Variants in TBC1D8 observed in about 807,000 individuals in gnomAD.
The protein encoded by TBC1D8 is BUB2-like protein 1.
TBC1D8 carries 65 observed loss-of-function variants against 118.8 expected under a neutral mutation model. The observed-to-expected ratio is 0.55, with a 90% CI of 0.45 to 0.67. The LOEUF is 0.67. TBC1D8 is among the 30% of genes least tolerant of loss of function. TBC1D8 has a pLI of 0.00. For missense variants in TBC1D8, 1,376 were observed against 1,471.2 expected (o/e 0.94, Z 1.06); for synonymous variants, 566 against 595.8 (o/e 0.95, Z 0.73).
intron 17 of TBC1D8, among the ~76,000 whole-genome samples, chr2:101,013,664 G>T (rs1679402660): frequency 6.6e-6 from 1 of 152,144 alleles, no homozygotes; most frequent in African/African-American, 2.4e-5. Context: ...ACTGTACATG[G>T]TTTCTATTTT....
At chr2:101,143,050 T>A (rs375706906) in intron 1 of TBC1D8, among the ~76,000 whole-genome samples, 112 of 139,274 alleles carry the variant, frequency 8.0e-4, no homozygotes, top group African/African-American at 2.9e-3. Flanking sequence ...ATTGTTGATT[T>A]TTCTTTCCTT....
chr2:101,040,067 G>T, intron 6 of TBC1D8, 111 bp downstream of exon 6: 1 of 1,266,704 alleles, frequency 7.9e-7, no homozygotes, highest in Non-Finnish European at 1.1e-6. Context: ...TCTTTAGATG[G>T]CAAAACTGTG....
chr2:101,095,536 AATG>A, intron 1 of TBC1D8, among the ~76,000 whole-genome samples: 1 of 151,762 alleles, frequency 6.6e-6, no homozygotes, highest in Admixed American at 6.6e-5. Flanking sequence ...GTTTGCTGAG[AATG>A]ATGGTTTCCA....
chr2:101,103,881 TAGAG>T (rs776738160), intron 1 of TBC1D8, among the ~76,000 whole-genome samples: 1 of 151,764 alleles, frequency 6.6e-6, no homozygotes, highest in Non-Finnish European at 1.5e-5. Context: ...GATATATATA[TAGAG>T]AGAGAGAGAA....
At chr2:101,029,896 C>T (rs966796015) in intron 11 of TBC1D8, 120 bp from the exon 12 acceptor site, 7 of 1,065,228 alleles carry the variant, frequency 6.6e-6, no homozygotes, top group Non-Finnish European at 9.4e-6. Context: ...TCCAGAAAAG[C>T]GTCCATGCTT....
At chr2:101,014,112 CTTGACGA>C (rs1679436624) in intron 17 of TBC1D8, among the ~76,000 whole-genome samples, 1 of 152,032 alleles carries the variant, frequency 6.6e-6, no homozygotes, top group African/African-American at 2.4e-5. Flanking sequence ...GTGGTGGCTT[CTTGACGA>C]TTTGGATACC....
chr2:101,147,060 C>T (rs931963588), intron 1 of TBC1D8, among the ~76,000 whole-genome samples: 2 of 137,356 alleles, frequency 1.5e-5, no homozygotes, highest in African/African-American at 5.8e-5. Flanking sequence ...CACCTGTAAT[C>T]CCAGTGCTTT....
Position 101,143,165 on chromosome 2 carries a change from C to T in TBC1D8, c.127+7962G>A, listed in dbSNP as rs147974049. On this transcript the variant is annotated intron_variant, in intron 1 of 19. Coordinates refer to ENST00000409318, the MANE Select transcript of TBC1D8 (RefSeq NM_001330348.2). Reference sequence around the variant, plus strand: ...GCAACCTCCGCCTCCCGGGTTCAAACGGTTCCCCTGCCTCAGCCTCCCAAG... The same window carrying T: ...GCAACCTCCGCCTCCCGGGTTCAAATGGTTCCCCTGCCTCAGCCTCCCAAG... 1.5e-3 allele frequency among the ~76,000 whole-genome samples: 219 copies of T among 150,734 alleles called. 1 individual carries two copies. Among genetic ancestry groups the T allele is most frequent in the African/African-American group, 4.1e-3 (169 of 40,970 alleles).
chr2:101,099,601 A>G (rs115975243), intron 1 of TBC1D8, among the ~76,000 whole-genome samples: 22,924 of 152,252 alleles, frequency 0.15, 1,887 homozygotes, highest in Middle Eastern at 0.25. Context: ...GCATCGATGT[A>G]AAAATCCTCA....
intron 11 of TBC1D8, chr2:101,030,008 A>T (rs1680577156): frequency 4.4e-6 from 2 of 458,896 alleles, no homozygotes; most frequent in Non-Finnish European, 7.7e-6. Context: ...GCATGGGGGA[A>T]ATAAAAAAGG....
rs991592350 is a variant in TBC1D8 at position 101,023,689 on chromosome 2, G to A, written c.2521-1168C>T. The A allele has an allele frequency of 3.7e-5, 15 of 407,670 alleles. 1 individual carries two copies. Among genetic ancestry groups the A allele is most frequent in the South Asian group, 1.5e-4 (8 of 53,828 alleles). The allele number at this position is 407,670 out of a possible 1,614,324, so 25.3% of individuals were successfully genotyped here. On this transcript the variant is annotated intron_variant, in intron 15 of 19. Transcript: ENST00000409318. Reference sequence around the variant, plus strand: ...GAAAACTAACAAAACCGGCCCCATCGCTGAGGACCAGGTGAGCCTCTTCAG... The same window carrying A: ...GAAAACTAACAAAACCGGCCCCATCACTGAGGACCAGGTGAGCCTCTTCAG...
At chr2:101,078,244 C>T (rs140882164) in intron 2 of TBC1D8, among the ~76,000 whole-genome samples, 1 of 152,186 alleles carries the variant, frequency 6.6e-6, no homozygotes, top group African/African-American at 2.4e-5. Context: ...CAATTCCCAT[C>T]TTGAGAAATC....
intron 12 of TBC1D8, 43 bp downstream of exon 12, chr2:101,029,448 C>T: frequency 6.3e-7 from 1 of 1,589,556 alleles, no homozygotes; most frequent in South Asian, 1.1e-5. Context: ...GTGCTGCTGC[C>T]TCCTCCATCT....
rs555423938 is a variant in TBC1D8, at chr2:101,007,979, A to C, written c.3310T>G (p.Leu1104Val). ...RDWTVSLEHILASLLTEQSLV... is the reference protein window; with the variant it reads ...RDWTVSLEHIVASLLTEQSLV... The stretch of plus-strand genomic sequence containing the variant: ...GACTGTTCAGTCAGAAGTGAAGCTA[A>C]AATATGTTCAAGGGAGACAGTCCAG... Residue 1104 changes from leucine (L) to valine (V), a missense_variant, in exon 20 of 20, where the codon TTA (leucine) becomes GTA (valine). By Grantham distance (32) the Leu-to-Val change is conservative (BLOSUM62 1). Transcript: ENST00000409318. 3.7e-6 allele frequency: 6 copies of C among 1,614,058 alleles called. No homozygotes were observed. In the South Asian group the frequency reaches 4.4e-5, roughly 12 times the overall value.
At chr2:101,054,027 C>A in intron 4 of TBC1D8, 81 bp downstream of exon 4, 1 of 1,284,188 alleles carries the variant, frequency 7.8e-7, no homozygotes. Context: ...CCAACTCTTC[C>A]TGTTAACGGC....
In TBC1D8 at chr2:101,063,773, T is replaced by C. The variant is rs568948828; in HGVS notation, c.284-4234A>G. 2.0e-5 allele frequency among the ~76,000 whole-genome samples: 3 copies of C among 150,088 alleles called. No homozygotes were observed. In the South Asian group the frequency reaches 6.3e-4, roughly 32 times the overall value. ...AAATACCTTTTTTCAAAAAAAAAAATAGAAAACAGAATACATGCAAACTCC... is the reference window on the plus strand; with the variant it reads ...AAATACCTTTTTTCAAAAAAAAAAACAGAAAACAGAATACATGCAAACTCC... On this transcript the variant is annotated intron_variant, in intron 2 of 19. Transcript: ENST00000409318.
intron 1 of TBC1D8, among the ~76,000 whole-genome samples, chr2:101,103,885 G>T (rs1341884141): frequency 2.6e-5 from 4 of 152,062 alleles, no homozygotes; most frequent in African/African-American, 7.2e-5. Flanking sequence ...TATATATAGA[G>T]AGAGAGAGAA....
chr2:101,017,881 CAA>C, intron 17 of TBC1D8: 1 of 1,550,894 alleles, frequency 6.4e-7, no homozygotes, highest in Non-Finnish European at 8.7e-7. Context: ...ATGATCTCTT[CAA>C]AACAGATTGT....
At chr2:101,053,730 C>T (rs1485174526) in intron 4 of TBC1D8, among the ~76,000 whole-genome samples, 1 of 152,220 alleles carries the variant, frequency 6.6e-6, no homozygotes, top group Admixed American at 6.5e-5. Flanking sequence ...TTCCAAGGGG[C>T]AGTCCCGACC....
Sources: allele counts gnomAD v4.1 joint callset (sites outside exome capture counted in the v4.1 genomes callset), GRCh38; gene constraint gnomAD v4.1.1; transcripts MANE v1.5; gene names NCBI Gene and HGNC (gene_info 2026-07-23, HGNC 2026-07-21).